Variants in ZNF143 observed in about 807,000 individuals in gnomAD.
ZNF143 encodes the protein SPH-binding factor.
In ZNF143, 49 loss-of-function variants were observed where a neutral mutation model predicts 74.1. That is an observed-to-expected ratio of 0.66 (90% CI 0.53 to 0.84). The LOEUF (loss-of-function observed/expected upper bound fraction) is 0.84. Among genes scored for constraint, ZNF143 ranks in the 40% least tolerant of loss-of-function variants. The pLI is 0.00. For missense variants in ZNF143, 637 were observed against 793.4 expected (o/e 0.80, Z 2.37); for synonymous variants, 304 against 282.8 (o/e 1.07, Z -0.75).
At chr11:9,494,790 C>A (rs765433922) in intron 8 of ZNF143, 25 bp downstream of exon 8, 1 of 1,589,886 alleles carries the variant, frequency 6.3e-7, no homozygotes, top group South Asian at 1.1e-5. Context: ...AATGTTCTAT[C>A]TAGTTATGAG....
At chr11:9,475,903 A>AAAAT (rs143829349) in intron 5 of ZNF143, among the ~76,000 whole-genome samples, 1,803 of 76,186 alleles carry the variant, frequency 0.024, 23 homozygotes, top group South Asian at 0.069. Flanking sequence ...GTCTCAAAAA[A>AAAAT]ATATATATGT....
chr11:9,512,671 T>G (rs1391612826), intron 13 of ZNF143, 75 bp downstream of exon 13: 15 of 1,581,698 alleles, frequency 9.5e-6, no homozygotes, highest in Non-Finnish European at 1.3e-5. Context: ...TGGGTCCCCA[T>G]TGAGGAAAGC....
At chr11:9,462,789 C>T (rs924114157) in intron 1 of ZNF143, among the ~76,000 whole-genome samples, 1 of 152,104 alleles carries the variant, frequency 6.6e-6, no homozygotes, top group Admixed American at 6.6e-5. Flanking sequence ...GCAGGAGAAT[C>T]GCTTGAACCC....
chr11:9,513,762 G>T (rs1448903757), intron 13 of ZNF143, among the ~76,000 whole-genome samples: 1 of 152,180 alleles, frequency 6.6e-6, no homozygotes. Flanking sequence ...TGGTGTGGTG[G>T]CGCTCTCGTG....
chr11:9,500,994 A>G (rs1458214598), intron 10 of ZNF143, 97 bp from the exon 11 acceptor site: 27 of 1,420,464 alleles, frequency 1.9e-5, no homozygotes, highest in Non-Finnish European at 9.7e-7. Context: ...AGAAGGCTAG[A>G]GTCTTGAGCA....
chr11:9,492,242 C>T (rs1847810464), intron 7 of ZNF143, among the ~76,000 whole-genome samples: 1 of 151,664 alleles, frequency 6.6e-6, no homozygotes, highest in African/African-American at 2.4e-5. Flanking sequence ...TCCCTAGTAG[C>T]TGGAATCACA....
intron 13 of ZNF143, among the ~76,000 whole-genome samples, chr11:9,513,960 T>C (rs1195721088): frequency 6.6e-6 from 1 of 152,226 alleles, no homozygotes. Context: ...TGTTTGTTTG[T>C]GTGGTTTTAG....
At chr11:9,487,788 C>T (rs1020953557) in intron 7 of ZNF143, among the ~76,000 whole-genome samples, 2 of 152,310 alleles carry the variant, frequency 1.3e-5, no homozygotes, top group Middle Eastern at 3.4e-3. Context: ...AGAGTTTTCA[C>T]TTGTGATGAC....
chr11:9,501,109 G>A lies in ZNF143; in HGVS notation c.986G>A (p.Cys329Tyr). 2 of 1,614,146 alleles carry A rather than the reference G, an allele frequency of 1.2e-6. No homozygotes were observed. The highest frequency in any genetic ancestry group is 1.7e-6 in the Non-Finnish European group (2 of 1,180,030). The change falls in exon 11 of 16, where the codon TGT becomes TAT. Residue 329 changes from cysteine (C) to tyrosine (Y), a missense_variant. By Grantham distance (194) the Cys-to-Tyr change is radical. Transcript: ENST00000396602. Reference sequence around the variant, plus strand: ...TTTGCAGGAGAAAGGCCCTTTAAGTGTCCCTTCGAAGGCTGCGGTCGGTCC... The same window carrying A: ...TTTGCAGGAGAAAGGCCCTTTAAGTATCCCTTCGAAGGCTGCGGTCGGTCC... Reference protein sequence around the residue: ...RTHTGERPFKCPFEGCGRSFT... With the variant: ...RTHTGERPFKYPFEGCGRSFT...
At chr11:9,469,863 C>T (rs1176593205) in intron 1 of ZNF143, among the ~76,000 whole-genome samples, 1 of 152,178 alleles carries the variant, frequency 6.6e-6, no homozygotes, top group Non-Finnish European at 1.5e-5. Flanking sequence ...TGACAGTTAT[C>T]ATGGCACTGA....
chr11:9,489,442 A>C (rs559500745), intron 7 of ZNF143, among the ~76,000 whole-genome samples: 1 of 152,294 alleles, frequency 6.6e-6, no homozygotes, highest in East Asian at 1.9e-4. Flanking sequence ...CACTATAGAC[A>C]TTAAGAATGG....
At position 9,525,335 on chromosome 11, in the gene ZNF143, C is replaced by G. The variant is rs1481430118; in HGVS notation, c.1782C>G (p.Thr594=). ...GCCATCACTTAGTAACCACAGAAAC[C>G]AGACCTCTGACCTTAGTAGCAACAT... ...QHSHHLVTTE[T]RPLTLVATSN... The change falls in exon 15 of 16, where the codon ACC becomes ACG. Residue 594 remains threonine (T), a synonymous_variant. Transcript: ENST00000396602. 10 of 1,614,040 alleles carry G rather than the reference C, an allele frequency of 6.2e-6. No homozygotes were observed. The African/African-American group carries it at 1.1e-4, about 17-fold the overall frequency.
At chr11:9,486,459 T>TATATAATATATTATATATATATTATAG (rs1847554505) in intron 7 of ZNF143, among the ~76,000 whole-genome samples, 1 of 85,982 alleles carries the variant, frequency 1.2e-5, no homozygotes, top group East Asian at 2.8e-4. Flanking sequence ...ATATATTATA[T>TATATAATATATTATATATATATTATAG]ATATATAAAA....
chr11:9,486,396 A>ATATAATTATATATATAT (rs1245802133), intron 7 of ZNF143, among the ~76,000 whole-genome samples: 1 of 11,922 alleles, frequency 8.4e-5, no homozygotes, highest in Non-Finnish European at 1.8e-4. Flanking sequence ...TAATATATAT[A>ATATAATTATATATATAT]ATATATTATA....
chr11:9,503,312 A>G (rs557170269), intron 11 of ZNF143, among the ~76,000 whole-genome samples: 65 of 152,344 alleles, frequency 4.3e-4, no homozygotes, highest in Non-Finnish European at 5.9e-4. Context: ...CTTATATGCA[A>G]TGAGCATTCA....
chr11:9,494,016 T>A (rs2134042284), intron 7 of ZNF143, among the ~76,000 whole-genome samples: 1 of 152,310 alleles, frequency 6.6e-6, no homozygotes, highest in South Asian at 2.1e-4. Context: ...GGCAGGTAGA[T>A]GGATCACTTG....
At chr11:9,467,058 A>AT (rs1456171738) in intron 1 of ZNF143, among the ~76,000 whole-genome samples, 2 of 150,842 alleles carry the variant, frequency 1.3e-5, no homozygotes, top group East Asian at 4.0e-4. Flanking sequence ...CGCCTGGTTA[A>AT]TTTTTTGTAT....
intron 7 of ZNF143, among the ~76,000 whole-genome samples, chr11:9,486,363 TTATATATAA>T (rs1847485539): frequency 7.3e-5 from 3 of 41,252 alleles, no homozygotes; most frequent in Non-Finnish European, 1.3e-4. Context: ...TATATATATA[TTATATATAA>T]TATATTATAT....
intron 7 of ZNF143, among the ~76,000 whole-genome samples, chr11:9,485,136 T>A (rs1004962817): frequency 6.0e-5 from 9 of 150,912 alleles, no homozygotes; most frequent in Non-Finnish European, 1.2e-4. Context: ...GTGTTTTTTT[T>A]AATTCAGGTA....
Sources: gnomAD v4.1 joint callset for allele counts (sites outside exome capture counted in the v4.1 genomes callset) on GRCh38, gnomAD v4.1.1 for gene constraint, MANE v1.5 for transcripts, NCBI Gene and HGNC (gene_info 2026-07-23, HGNC 2026-07-21) for gene names.